Variants in CHMP3 observed in about 807,000 individuals in gnomAD.
CHMP3 encodes the protein 25.1 protein.
Under a neutral mutation model 27.4 loss-of-function variants are expected in CHMP3, and 8 were observed. The ratio of observed to expected loss-of-function variants is 0.29; its 90% confidence interval spans 0.17 to 0.53. The LOEUF is 0.53. Ranked by LOEUF, CHMP3 falls within the 20% of genes least tolerant of loss-of-function variation. The pLI is 0.96. For missense variants in CHMP3, 208 were observed against 271.5 expected (o/e 0.77, Z 1.64); for synonymous variants, 86 against 85.5 (o/e 1.01, Z -0.03).
chr2:86,560,432 C>G (rs1461483648), intron 1 of CHMP3, among the ~76,000 whole-genome samples: 1 of 152,030 alleles, frequency 6.6e-6, no homozygotes, highest in Non-Finnish European at 1.5e-5. Flanking sequence ...AGCTGGAAAC[C>G]ATCATTCTCA....
At chr2:86,537,492 T>C (rs748095098) in intron 2 of CHMP3, among the ~76,000 whole-genome samples, 7 of 152,226 alleles carry the variant, frequency 4.6e-5, no homozygotes, top group African/African-American at 9.6e-5. Context: ...GTGACTTACT[T>C]TTTCCTGCTT....
intron 1 of CHMP3, among the ~76,000 whole-genome samples, chr2:86,558,885 A>G (rs1014350225): frequency 2.0e-5 from 3 of 151,672 alleles, no homozygotes; most frequent in Admixed American, 6.6e-5. Flanking sequence ...AAAAAAAAAA[A>G]GCCAAACTAA....
chr2:86,537,758 C>G (rs556913728), intron 2 of CHMP3, among the ~76,000 whole-genome samples: 83 of 152,290 alleles, frequency 5.5e-4, no homozygotes, highest in Non-Finnish European at 9.7e-4. Context: ...TGGGCACGCA[C>G]AGTGACTTCT....
chr2:86,509,191 A>G (rs1674998207), intron 4 of CHMP3, among the ~76,000 whole-genome samples: 1 of 152,228 alleles, frequency 6.6e-6, no homozygotes, highest in African/African-American at 2.4e-5. Context: ...AGATTCTGAA[A>G]AAGGCTTCCC....
At chr2:86,553,610 G>A (rs932857421) in intron 1 of CHMP3, among the ~76,000 whole-genome samples, 14 of 152,134 alleles carry the variant, frequency 9.2e-5, no homozygotes, top group Admixed American at 3.9e-4. Context: ...AATTATAGGC[G>A]TGAGCCACCG....
chr2:86,542,202 C>G lies in CHMP3; in HGVS notation c.106+50G>C. 4 of 1,588,802 alleles carry G rather than the reference C, an allele frequency of 2.5e-6. No individual in the cohort carries two copies. In the South Asian group the frequency reaches 4.5e-5, roughly 18 times the overall value. ...TGCAGTTTATTTTTATGAACTGAAG[C>G]AAAATATACCAAGAGGGTGAAAAAT... On this transcript the variant is annotated intron_variant, in intron 2 of 5. Transcript: ENST00000263856.
intron 4 of CHMP3, 56 bp downstream of exon 4, chr2:86,510,302 C>G: frequency 8.3e-7 from 1 of 1,203,198 alleles, no homozygotes; most frequent in Non-Finnish European, 1.2e-6. Flanking sequence ...CCCCCTGTTA[C>G]TTGTTTAGAG....
chr2:86,554,639 G>A (rs1677040802), intron 1 of CHMP3, among the ~76,000 whole-genome samples: 1 of 152,038 alleles, frequency 6.6e-6, no homozygotes, highest in Admixed American at 6.6e-5. Flanking sequence ...AACCAATTTG[G>A]CAGTATTTTT....
At chr2:86,517,227 C>T (rs538300747) in intron 3 of CHMP3, among the ~76,000 whole-genome samples, 1 of 152,220 alleles carries the variant, frequency 6.6e-6, no homozygotes, top group African/African-American at 2.4e-5. Flanking sequence ...TAAATATGAC[C>T]ATGTTGTAAT....
At chr2:86,552,833 G>A (rs551414476) in intron 1 of CHMP3, among the ~76,000 whole-genome samples, 3 of 152,196 alleles carry the variant, frequency 2.0e-5, no homozygotes, top group East Asian at 1.9e-4. Flanking sequence ...ACCACAAAAG[G>A]AACAAGATCA....
intron 1 of CHMP3, among the ~76,000 whole-genome samples, chr2:86,550,842 C>T (rs6714957): frequency 0.72 from 109,556 of 152,004 alleles, 39,883 homozygotes; most frequent in East Asian, 0.94. Flanking sequence ...ATTTACATTG[C>T]ATTAGGTATT....
chr2:86,527,073 A>G (rs1017746088), intron 3 of CHMP3: 4 of 151,820 alleles, frequency 2.6e-5, no homozygotes, highest in African/African-American at 7.3e-5. Flanking sequence ...TTTTTTATAT[A>G]TATATAATAT....
intron 3 of CHMP3, among the ~76,000 whole-genome samples, chr2:86,525,744 AT>A (rs781074090): frequency 2.0e-5 from 3 of 152,140 alleles, no homozygotes; most frequent in Non-Finnish European, 2.9e-5. Context: ...CATATGTTTA[AT>A]TTTTTAATGA....
At chr2:86,529,684 G>A (rs1041068828) in intron 2 of CHMP3, among the ~76,000 whole-genome samples, 1 of 152,096 alleles carries the variant, frequency 6.6e-6, no homozygotes, top group South Asian at 2.1e-4. Context: ...TCCAGAGCTT[G>A]CTCCAATAAT....
At chr2:86,538,281 G>T (rs1453391827) in intron 2 of CHMP3, among the ~76,000 whole-genome samples, 1 of 152,170 alleles carries the variant, frequency 6.6e-6, no homozygotes, top group Non-Finnish European at 1.5e-5. Context: ...AGAGAAATAG[G>T]AAGTTATTGT....
At chr2:86,539,680 C>T (rs906285079) in intron 2 of CHMP3, among the ~76,000 whole-genome samples, 1 of 152,092 alleles carries the variant, frequency 6.6e-6, no homozygotes, top group African/African-American at 2.4e-5. Context: ...CATTGTCATA[C>T]ATTTTACCTC....
chr2:86,535,378 GT>G (rs1336836683), intron 2 of CHMP3, among the ~76,000 whole-genome samples: 1 of 151,778 alleles, frequency 6.6e-6, no homozygotes, highest in Non-Finnish European at 1.5e-5. Flanking sequence ...TTTCTTGTGT[GT>G]TTACTTGATT....
intron 3 of CHMP3, among the ~76,000 whole-genome samples, chr2:86,518,342 G>A (rs1675393315): frequency 6.6e-6 from 1 of 151,964 alleles, no homozygotes; most frequent in Admixed American, 6.6e-5. Context: ...AAAGGAGATA[G>A]TACAAACATT....
chr2:86,534,902 A>C (rs1676066875), intron 2 of CHMP3, among the ~76,000 whole-genome samples: 1 of 152,142 alleles, frequency 6.6e-6, no homozygotes. Context: ...ATATAATATT[A>C]TGTTTTGTAA....
Sources: gnomAD v4.1 joint callset for allele counts (sites outside exome capture counted in the v4.1 genomes callset) on GRCh38, gnomAD v4.1.1 for gene constraint, MANE v1.5 for transcripts, NCBI Gene and HGNC (gene_info 2026-07-23, HGNC 2026-07-21) for gene names.